Variants in KAZN observed in about 807,000 individuals in gnomAD.
KAZN encodes the protein kazrin.
KAZN carries 40 observed loss-of-function variants against 87.4 expected under a neutral mutation model. The ratio of observed to expected loss-of-function variants is 0.46; its 90% CI spans 0.36 to 0.60. The LOEUF is 0.60. KAZN is among the 20% of genes least tolerant of loss of function. KAZN has a pLI of 0.00. For synonymous variants in KAZN, 466 were observed against 458.3 expected (o/e 1.02, Z -0.22); for missense variants, 898 against 1,073.9 (o/e 0.84, Z 2.29).
At chr1:14,260,643 G>A (rs1044657780) in intron 2 of KAZN, among the ~76,000 whole-genome samples, 1 of 152,196 alleles carries the variant, frequency 6.6e-6, no homozygotes, top group Non-Finnish European at 1.5e-5. Flanking sequence ...ACAAAGTCGT[G>A]AGTAAAGGAC....
chr1:13,972,662 C>T (rs1197087504), intron 1 of KAZN, among the ~76,000 whole-genome samples: 1 of 152,144 alleles, frequency 6.6e-6, no homozygotes, highest in Admixed American at 6.5e-5. Context: ...CTCTCAGCCT[C>T]GATGCTGGAT....
intron 1 of KAZN, among the ~76,000 whole-genome samples, chr1:14,099,227 C>T (rs1644195216): frequency 6.6e-6 from 1 of 152,160 alleles, no homozygotes; most frequent in Admixed American, 6.5e-5. Flanking sequence ...TCATTAGCTT[C>T]TGGAAACACC....
intron 4 of KAZN, among the ~76,000 whole-genome samples, chr1:15,045,938 T>C (rs1188835608): frequency 6.6e-6 from 1 of 152,188 alleles, no homozygotes; most frequent in African/African-American, 2.4e-5. Flanking sequence ...GAGATTTGGC[T>C]GGGGACCCAG....
chr1:13,988,767 A>G (rs1639141067), intron 1 of KAZN, among the ~76,000 whole-genome samples: 1 of 152,222 alleles, frequency 6.6e-6, no homozygotes, highest in Non-Finnish European at 1.5e-5. Flanking sequence ...TATTGTCAAA[A>G]TTCACTACAG....
At chr1:14,997,302 G>A (rs906058609) in intron 2 of KAZN, among the ~76,000 whole-genome samples, 3 of 150,616 alleles carry the variant, frequency 2.0e-5, no homozygotes, top group Non-Finnish European at 4.4e-5. Flanking sequence ...GTGCAATGGC[G>A]CGATCTCAGC....
intron 1 of KAZN, among the ~76,000 whole-genome samples, chr1:14,130,320 C>A (rs997304807): frequency 6.6e-6 from 1 of 152,122 alleles, no homozygotes; most frequent in Non-Finnish European, 1.5e-5. Flanking sequence ...AGTGTGTTCC[C>A]GCTAACCATG....
chr1:15,097,561 G>A (rs1362244794), intron 10 of KAZN, among the ~76,000 whole-genome samples: 1 of 152,146 alleles, frequency 6.6e-6, no homozygotes, highest in African/African-American at 2.4e-5. Context: ...GCTCACACCT[G>A]TAATCACAGC....
chr1:14,402,631 A>C (rs1278125714), intron 2 of KAZN, among the ~76,000 whole-genome samples: 1 of 152,220 alleles, frequency 6.6e-6, no homozygotes, highest in African/African-American at 2.4e-5. Flanking sequence ...AACTAGACAA[A>C]CTGATTCTGA....
chr1:15,015,507 G>A lies in KAZN; in HGVS notation c.419-19242G>A, dbSNP rs747660539. Among the ~76,000 whole-genome samples, 21 of 152,112 alleles carry A rather than the reference G, an allele frequency of 1.4e-4. 1 individual carries two copies. The highest frequency in any genetic ancestry group is 2.2e-4 in the Non-Finnish European group (15 of 68,030). ...AAACAAAGCTCACGGCCAGTTGCCC[G>A]ATGCTCTGTGCGGCTGGAGCTGTCT... is the stretch of plus-strand genomic sequence containing the variant. On this transcript the variant is annotated intron_variant, in intron 2 of 14. Transcript: ENST00000376030.
At chr1:14,330,540 T>C (rs1204389047) in intron 2 of KAZN, among the ~76,000 whole-genome samples, 2 of 152,172 alleles carry the variant, frequency 1.3e-5, no homozygotes, top group African/African-American at 4.8e-5. Flanking sequence ...GACCACTTAT[T>C]TGACCTGTAC....
At chr1:14,853,838 G>A (rs1649754576) in intron 1 of KAZN, among the ~76,000 whole-genome samples, 1 of 152,162 alleles carries the variant, frequency 6.6e-6, no homozygotes, top group Admixed American at 6.5e-5. Context: ...AGCTCCCGTG[G>A]GGGCCGAGAC....
chr1:14,933,733 C>T (rs964649564), intron 1 of KAZN, among the ~76,000 whole-genome samples: 1 of 152,148 alleles, frequency 6.6e-6, no homozygotes, highest in East Asian at 1.9e-4. Flanking sequence ...GCCTTGAACT[C>T]CTGGTTTCAA....
At chr1:14,915,599 C>G (rs541924539) in intron 1 of KAZN, among the ~76,000 whole-genome samples, 5 of 152,202 alleles carry the variant, frequency 3.3e-5, no homozygotes, top group African/African-American at 9.7e-5. Flanking sequence ...CTGAGTCCCC[C>G]CTCTTTATGA....
At chr1:14,600,855 A>G (rs988850849) in intron 1 of KAZN, among the ~76,000 whole-genome samples, 2 of 152,154 alleles carry the variant, frequency 1.3e-5, no homozygotes, top group African/African-American at 4.8e-5. Flanking sequence ...GCGAAGGAAA[A>G]GTTAAGTGGC....
intron 2 of KAZN, among the ~76,000 whole-genome samples, chr1:14,971,209 C>T (rs1304532459): frequency 2.6e-5 from 4 of 152,186 alleles, no homozygotes; most frequent in Admixed American, 2.6e-4. Flanking sequence ...ACCAGCCTGA[C>T]CAACATGGTG....
chr1:14,133,440 A>AGAAAGAAAGAAT (rs1645042148), intron 1 of KAZN, among the ~76,000 whole-genome samples: 1 of 149,782 alleles, frequency 6.7e-6, no homozygotes, highest in Non-Finnish European at 1.5e-5. Flanking sequence ...AAAGAAAGAA[A>AGAAAGAAAGAAT]ATAGGGGAAT....
intron 1 of KAZN, among the ~76,000 whole-genome samples, chr1:14,936,736 GT>G (rs1283109945): frequency 2.6e-5 from 4 of 152,104 alleles, no homozygotes; most frequent in African/African-American, 7.2e-5. Context: ...CTGGAAGAGG[GT>G]TTTTTTCTGC....
intron 8 of KAZN, among the ~76,000 whole-genome samples, chr1:15,073,675 G>A (rs533236638): frequency 3.3e-5 from 5 of 152,192 alleles, no homozygotes; most frequent in Non-Finnish European, 5.9e-5. Context: ...CCGAGTCTCC[G>A]AGAGATGCAT....
At chr1:14,319,799 T>G (rs1655925299) in intron 2 of KAZN, among the ~76,000 whole-genome samples, 1 of 152,132 alleles carries the variant, frequency 6.6e-6, no homozygotes, top group African/African-American at 2.4e-5. Flanking sequence ...AATTTTCTAG[T>G]TTTTGAAGGC....
Sources: gnomAD v4.1 joint callset for allele counts (sites outside exome capture counted in the v4.1 genomes callset) on GRCh38, gnomAD v4.1.1 for gene constraint, MANE v1.5 for transcripts, NCBI Gene and HGNC (gene_info 2026-07-23, HGNC 2026-07-21) for gene names.